The following BANP variants were observed in gnomAD, a reference collection of about 807,000 sequenced individuals.
BANP encodes protein BANP.
Under a neutral mutation model 68.1 loss-of-function variants are expected in BANP, and 11 were observed. The observed-to-expected ratio is 0.16, with a 90% CI of 0.10 to 0.27. The LOEUF is 0.27. Ranked by LOEUF, BANP falls within the 10% of genes least tolerant of loss-of-function variation. The pLI, the probability that BANP is intolerant of heterozygous loss-of-function variation, is 1.00. For missense variants in BANP, 504 were observed against 722.7 expected (o/e 0.70, Z 3.47); for synonymous variants, 329 against 303.2 (o/e 1.09, Z -0.88).
At chr16:88,045,139 A>C (rs2081684600) in intron 11 of BANP, among the ~76,000 whole-genome samples, 1 of 152,242 alleles carries the variant, frequency 6.6e-6, no homozygotes, top group Non-Finnish European at 1.5e-5. Flanking sequence ...TGCTAGTTAA[A>C]AAATGTTTAG....
At chr16:87,965,065 C>T (rs1011093445) in intron 1 of BANP, among the ~76,000 whole-genome samples, 8 of 152,132 alleles carry the variant, frequency 5.3e-5, no homozygotes, top group Non-Finnish European at 1.0e-4. Flanking sequence ...ACTGATGAGC[C>T]GCTGGGTCAG....
rs111953132 is a variant in BANP, at chr16:87,974,974, G to A, written c.-68-74G>A. ...CGCGGCCTCTTGCATACACGTGCTC[G>A]GCTCGTGGTTTTCATAATTTCACGT... On this transcript the variant is annotated intron_variant, in intron 1 of 13. Coordinates refer to ENST00000682872, the MANE Select transcript of BANP (RefSeq NM_001386991.1). 6.5e-3 allele frequency: 4,556 copies of A among 697,264 alleles called. 37 individuals carry two copies. Among genetic ancestry groups the A allele is most frequent in the African/African-American group, 0.018 (995 of 56,400 alleles). The allele number at this position is 697,264 out of a possible 1,614,324, so 43.2% of individuals were successfully genotyped here. A position where few individuals can be genotyped will look rare whatever the true frequency, so the allele number is the denominator to read the frequency against.
In BANP at chr16:88,076,518, T is replaced by C; in HGVS notation, c.1522-72T>C. The C allele has an allele frequency of 4.4e-6, 6 of 1,350,656 alleles. No individual in the cohort carries two copies. In the South Asian group the frequency reaches 6.3e-5, roughly 14 times the overall value. 83.7% of individuals were successfully genotyped at this position (1,350,656 alleles called of 1,614,324 possible). ...CTCATTCTGCCTTAAAGTCACTGGC[T>C]GTTCATGACACCCCCTGGCCATGCA... On this transcript the variant is annotated intron_variant, in intron 13 of 13. Coordinates refer to ENST00000682872, the MANE Select transcript of BANP (RefSeq NM_001386991.1).
In BANP at chr16:88,003,819, C is replaced by T. The variant is rs966454843; in HGVS notation, c.363-476C>T. 5.5e-5 allele frequency: 17 copies of T among 306,812 alleles called. No individual in the cohort carries two copies. Among genetic ancestry groups the T allele is most frequent in the African/African-American group, 2.9e-4 (13 of 45,560 alleles). The allele number at this position is 306,812 out of a possible 1,614,324, so 19.0% of individuals were successfully genotyped here. A position where few individuals can be genotyped will look rare whatever the true frequency, so the allele number is the denominator to read the frequency against. ...TGCCCCTTTCTTTCCAGGGCGCTAC[C>T]GTTTTGGAATGATACCAACACTTAC... On this transcript the variant is annotated intron_variant, in intron 4 of 13. Transcript: ENST00000682872. The surrounding 1 kb of genome is among the most constrained non-coding windows in gnomAD (Gnocchi z 6.1).
intron 11 of BANP, among the ~76,000 whole-genome samples, chr16:88,049,204 G>C (rs1338201964): frequency 1.3e-5 from 2 of 152,160 alleles, no homozygotes; most frequent in Non-Finnish European, 2.9e-5. Context: ...CAGAACTTCT[G>C]GCCAACCGGC....
In BANP at chr16:88,071,703, T is replaced by C. The variant is rs2090374572; in HGVS notation, c.1378-366T>C. ...CTCAGTGGCACTCTGGGAGCGCTTGTGCTCTTCATGGTTGCCACTGGGATT... is the reference window on the plus strand; with the variant it reads ...CTCAGTGGCACTCTGGGAGCGCTTGCGCTCTTCATGGTTGCCACTGGGATT... On this transcript the variant is annotated intron_variant, in intron 12 of 13. Transcript: ENST00000682872. The surrounding 1 kb of genome is among the most constrained non-coding windows in gnomAD (Gnocchi z 6.5). 1 of 504,620 alleles carries C rather than the reference T, an allele frequency of 2.0e-6. No homozygotes were observed. Among genetic ancestry groups the C allele is most frequent in the South Asian group, 1.5e-5 (1 of 64,996 alleles). 31.3% of individuals were successfully genotyped at this position (504,620 alleles called of 1,614,324 possible).
At chr16:88,060,527 G>A (rs1048728296) in intron 11 of BANP, among the ~76,000 whole-genome samples, 9 of 152,228 alleles carry the variant, frequency 5.9e-5, no homozygotes, top group Non-Finnish European at 8.8e-5. Flanking sequence ...GCCCTCTCAC[G>A]GTGGATTCAA....
intron 12 of BANP, among the ~76,000 whole-genome samples, chr16:88,068,047 G>T (rs1302171242): frequency 1.3e-5 from 2 of 152,240 alleles, no homozygotes; most frequent in South Asian, 2.1e-4. Context: ...GCTTGGAGTG[G>T]CACTGCTCTG....
chr16:87,996,048 C>T (rs1054687509), intron 4 of BANP, among the ~76,000 whole-genome samples: 5 of 152,222 alleles, frequency 3.3e-5, no homozygotes, highest in African/African-American at 9.7e-5. Context: ...TCAGGTTGTC[C>T]TCTCAGCATC....
chr16:87,994,902 G>A (rs1043694998), intron 4 of BANP, among the ~76,000 whole-genome samples: 1 of 152,200 alleles, frequency 6.6e-6, no homozygotes. Context: ...GGGTCCCCTG[G>A]ACTTGTGATT....
intron 7 of BANP, among the ~76,000 whole-genome samples, chr16:88,023,614 C>T (rs780619198): frequency 2.6e-5 from 4 of 152,308 alleles, no homozygotes; most frequent in Middle Eastern, 3.4e-3. Context: ...GATAAAGCCC[C>T]ATGCCACCCA....
intron 13 of BANP, among the ~76,000 whole-genome samples, chr16:88,073,587 G>A (rs535655517): frequency 3.3e-5 from 5 of 152,308 alleles, no homozygotes; most frequent in South Asian, 4.1e-4. Context: ...AAACTCGTTC[G>A]GCAGCGCTTA....
At chr16:88,050,797 C>G (rs113668397) in intron 11 of BANP, among the ~76,000 whole-genome samples, 2,997 of 152,296 alleles carry the variant, frequency 0.02, 97 homozygotes, top group African/African-American at 0.068. Flanking sequence ...AAGCAATCCT[C>G]CCACCTCAGC....
intron 1 of BANP, among the ~76,000 whole-genome samples, chr16:87,967,788 A>G (rs1425661551): frequency 6.6e-6 from 1 of 151,560 alleles, no homozygotes; most frequent in African/African-American, 2.4e-5. Flanking sequence ...ACGCCCTGCT[A>G]ATTTTTGTAT....
intron 6 of BANP, among the ~76,000 whole-genome samples, chr16:88,008,577 A>G (rs1019107055): frequency 3.3e-5 from 5 of 152,262 alleles, no homozygotes; most frequent in Non-Finnish European, 7.3e-5. Flanking sequence ...ATAAAAACAA[A>G]AAAATCTAAA....
At chr16:88,020,649 G>A (rs2075842520) in intron 7 of BANP, among the ~76,000 whole-genome samples, 1 of 152,208 alleles carries the variant, frequency 6.6e-6, no homozygotes, top group African/African-American at 2.4e-5. Flanking sequence ...GGTGGTGTGT[G>A]GGATGAGCGT....
intron 4 of BANP, among the ~76,000 whole-genome samples, chr16:87,984,868 C>T (rs1485489717): frequency 6.6e-6 from 1 of 152,220 alleles, no homozygotes; most frequent in Non-Finnish European, 1.5e-5. Flanking sequence ...CTAGCCTTCC[C>T]CACGCCTGGC....
At chr16:87,966,691 G>C (rs1178568442) in intron 1 of BANP, 1 of 152,182 alleles carries the variant, frequency 6.6e-6, no homozygotes, top group Non-Finnish European at 1.5e-5. Context: ...CTTGAATTGG[G>C]CATTTAAAAC....
At chr16:88,055,892 C>T (rs559350678) in intron 11 of BANP, among the ~76,000 whole-genome samples, 2 of 152,150 alleles carry the variant, frequency 1.3e-5, no homozygotes, top group African/African-American at 2.4e-5. Context: ...TATGGAGAAG[C>T]CTTCTCTACC....
Sources: allele counts gnomAD v4.1 joint callset (sites outside exome capture counted in the v4.1 genomes callset), GRCh38; gene constraint gnomAD v4.1.1; non-coding constraint Gnocchi (gnomAD v3.1); transcripts MANE v1.5; gene names NCBI Gene and HGNC (gene_info 2026-07-23, HGNC 2026-07-21).